Variants in ASZ1 observed in about 807,000 individuals in gnomAD.
The protein encoded by ASZ1 is ankyrin repeat, SAM and basic leucine zipper domain-containing protein 1.
A neutral mutation model predicts 61.8 loss-of-function variants in ASZ1; 67 were observed. The observed-to-expected ratio is 1.08, with a 90% CI of 0.89 to 1.33. The LOEUF (loss-of-function observed/expected upper bound fraction) is 1.33, where lower values mean the gene tolerates loss of function less well. ASZ1 is among the 40% of genes most tolerant of loss of function. The pLI is 0.00. For synonymous variants in ASZ1, 193 were observed against 192.7 expected (o/e 1.00, Z -0.01); for missense variants, 577 against 554.5 (o/e 1.04, Z -0.41).
chr7:117,421,573 A>T (rs1797100778), intron 3 of ASZ1, among the ~76,000 whole-genome samples: 1 of 152,234 alleles, frequency 6.6e-6, no homozygotes, highest in African/African-American at 2.4e-5. Context: ...AGAAAATATT[A>T]AACATGAAAC....
intron 4 of ASZ1, among the ~76,000 whole-genome samples, chr7:117,394,052 C>G (rs973423946): frequency 2.0e-5 from 3 of 152,168 alleles, no homozygotes; most frequent in African/African-American, 7.2e-5. Context: ...GAACACCAAA[C>G]TTATTATATG....
intron 4 of ASZ1, among the ~76,000 whole-genome samples, chr7:117,405,274 A>G (rs1262522029): frequency 9.2e-5 from 14 of 152,204 alleles, no homozygotes; most frequent in Admixed American, 8.5e-4. Context: ...CAGAGTGTCC[A>G]TTCTGTCATT....
intron 11 of ASZ1, chr7:117,368,202 C>A (rs577750342): frequency 2.1e-6 from 2 of 932,992 alleles, no homozygotes; most frequent in Non-Finnish European, 2.6e-6. Flanking sequence ...GTTGGGATTA[C>A]GGATGTGAGC....
At chr7:117,370,365 G>A (rs918410193) in intron 10 of ASZ1, among the ~76,000 whole-genome samples, 4 of 152,148 alleles carry the variant, frequency 2.6e-5, no homozygotes, top group East Asian at 1.9e-4. Context: ...TAAAGGAAAC[G>A]TAGCCTGAGA....
chr7:117,427,386 C>G lies in ASZ1; in HGVS notation c.75G>C (p.Trp25Cys). ...ACGTCCGGTCGAGATACCCAATCTCCCAGCCATCATCCTCGCTCTCGCTAC... is the reference window on the plus strand; with the variant it reads ...ACGTCCGGTCGAGATACCCAATCTCGCAGCCATCATCCTCGCTCTCGCTAC... ...GESSESEDDG[W>C]EIGYLDRTSQ... is the part of the protein sequence containing the mutation. Residue 25 changes from tryptophan (W) to cysteine (C), a missense_variant, in exon 1 of 13, where the codon TGG becomes TGC. By Grantham distance (215) the Trp-to-Cys change is radical. Transcript: ENST00000284629. 2 of 1,614,238 alleles carry G rather than the reference C, an allele frequency of 1.2e-6. No homozygotes were observed. The highest frequency in any genetic ancestry group is 1.7e-6 in the Non-Finnish European group (2 of 1,180,030).
At chr7:117,410,101 C>T (rs1271695822) in intron 4 of ASZ1, among the ~76,000 whole-genome samples, 3 of 151,602 alleles carry the variant, frequency 2.0e-5, no homozygotes, top group African/African-American at 7.2e-5. Context: ...AATAGGTACT[C>T]CTGGTATCTG....
intron 11 of ASZ1, 79 bp downstream of exon 11, chr7:117,368,529 CTATT>C: frequency 6.5e-7 from 1 of 1,527,976 alleles, no homozygotes; most frequent in Non-Finnish European, 8.7e-7. Context: ...CAAATCAATA[CTATT>C]TATTGAATTA....
At chr7:117,379,340 T>A (rs527406085) in intron 10 of ASZ1, among the ~76,000 whole-genome samples, 6 of 151,466 alleles carry the variant, frequency 4.0e-5, no homozygotes, top group African/African-American at 1.4e-4. Flanking sequence ...TCCCTGTGTA[T>A]CTTTGAAATA....
At chr7:117,425,624 GTTTT>G (rs34502676) in intron 2 of ASZ1, among the ~76,000 whole-genome samples, 3 of 149,086 alleles carry the variant, frequency 2.0e-5, no homozygotes, top group Non-Finnish European at 4.5e-5. Flanking sequence ...GTAATTTAAA[GTTTT>G]TTTTTTATTT....
chr7:117,365,443 C>CAA (rs1338826100), intron 12 of ASZ1, among the ~76,000 whole-genome samples: 2 of 152,096 alleles, frequency 1.3e-5, no homozygotes, highest in Non-Finnish European at 2.9e-5. Context: ...ACTCATTTAA[C>CAA]AAAAATATGG....
At chr7:117,383,599 G>A (rs1290342965) in intron 6 of ASZ1, among the ~76,000 whole-genome samples, 3 of 151,776 alleles carry the variant, frequency 2.0e-5, no homozygotes, top group Non-Finnish European at 4.4e-5. Context: ...AATCCTAACT[G>A]AACACCTCAA....
In ASZ1 at chr7:117,427,480, T is replaced by G; in HGVS notation, c.-20A>C. 1.9e-6 allele frequency: 3 copies of G among 1,612,722 alleles called. No homozygotes were observed. The highest frequency in any genetic ancestry group is 2.2e-5 in the South Asian group (2 of 91,002). ...CGCCATGCCAGCCAAGGAAGCTCCC[T>G]GTCGGCACCGCGCGCCCTTCAGCTC... On this transcript the variant is annotated 5_prime_UTR_variant, in exon 1 of 13. Transcript: ENST00000284629.
chr7:117,370,946 A>C (rs980170426), intron 10 of ASZ1, among the ~76,000 whole-genome samples: 2 of 151,504 alleles, frequency 1.3e-5, no homozygotes, highest in South Asian at 4.2e-4. Context: ...TGCCTCAGCC[A>C]CCTGAGTAGT....
chr7:117,366,539 T>C (rs1795942694), intron 12 of ASZ1, among the ~76,000 whole-genome samples: 1 of 151,954 alleles, frequency 6.6e-6, no homozygotes, highest in Admixed American at 6.6e-5. Context: ...CGACTGGAAG[T>C]GTTTTTCTTT....
At chr7:117,415,959 G>C (rs1302851068) in intron 4 of ASZ1, among the ~76,000 whole-genome samples, 1 of 152,200 alleles carries the variant, frequency 6.6e-6, no homozygotes, top group Non-Finnish European at 1.5e-5. Context: ...GGGAGGCCAA[G>C]GCAGGTGGAT....
chr7:117,421,322 C>A (rs572811536), intron 3 of ASZ1, among the ~76,000 whole-genome samples: 1 of 152,224 alleles, frequency 6.6e-6, no homozygotes, highest in East Asian at 1.9e-4. Context: ...AAGCAGTCCT[C>A]CTGCCTCAGC....
chr7:117,392,460 A>G (rs1417327362), intron 4 of ASZ1, among the ~76,000 whole-genome samples: 1 of 152,076 alleles, frequency 6.6e-6, no homozygotes, highest in East Asian at 1.9e-4. Context: ...GTTCTTGTAA[A>G]TGGAACTGCA....
intron 4 of ASZ1, among the ~76,000 whole-genome samples, chr7:117,415,980 T>C (rs1194672531): frequency 2.0e-5 from 3 of 151,996 alleles, no homozygotes; most frequent in African/African-American, 7.2e-5. Context: ...CACTTAAGGT[T>C]AGAAGTTCGA....
rs1201137921 is a variant in ASZ1 at position 117,384,646 on chromosome 7, C to T, written c.687+80G>A. ...ATACACTATAATTACACTTTTAATT[C>T]TAACAGAATAATACAAAAGTTCTAC... On this transcript the variant is annotated intron_variant, in intron 6 of 12. Coordinates refer to ENST00000284629, the MANE Select transcript of ASZ1 (RefSeq NM_130768.3). 5 of 1,437,326 alleles carry T rather than the reference C, an allele frequency of 3.5e-6. No homozygotes were observed. The South Asian group carries it at 5.3e-5, about 15-fold the overall frequency. 89.0% of individuals were successfully genotyped at this position (1,437,326 alleles called of 1,614,324 possible).
Sources: gnomAD v4.1 joint callset for allele counts (sites outside exome capture counted in the v4.1 genomes callset) on GRCh38, gnomAD v4.1.1 for gene constraint, MANE v1.5 for transcripts, NCBI Gene and HGNC (gene_info 2026-07-23, HGNC 2026-07-21) for gene names.